PAM: variants seen among roughly 807,000 people sequenced by gnomAD.
PAM encodes peptidyl-glycine alpha-amidating monooxygenase.
A neutral mutation model predicts 122.1 loss-of-function variants in PAM; 72 were observed. The ratio of observed to expected loss-of-function variants is 0.59; its 90% CI spans 0.49 to 0.72. The LOEUF is 0.72. Among genes scored for constraint, PAM ranks in the 30% least tolerant of loss-of-function variants. The pLI, the probability that PAM is intolerant of heterozygous loss-of-function variation, is 0.00. For synonymous variants in PAM, 389 were observed against 404.4 expected, an observed-to-expected ratio of 0.96 and a Z score of 0.46; for missense variants, 1,106 against 1,183.7, an observed-to-expected ratio of 0.93 and a Z score of 0.96.
chr5:102,881,086 A>G (rs948414970), intron 3 of PAM, among the ~76,000 whole-genome samples: 2 of 151,500 alleles, frequency 1.3e-5, no homozygotes, highest in African/African-American at 4.9e-5. Flanking sequence ...ACAGACCACT[A>G]ACTGTAGAAG....
At chr5:102,771,961 T>A (rs1755909491) in intron 1 of PAM, among the ~76,000 whole-genome samples, 1 of 152,112 alleles carries the variant, frequency 6.6e-6, no homozygotes. Flanking sequence ...TTTGTTGAGG[T>A]CATTTTGTAG....
chr5:102,937,503 CG>C (rs1305800430), intron 7 of PAM, among the ~76,000 whole-genome samples: 7 of 152,066 alleles, frequency 4.6e-5, no homozygotes, highest in African/African-American at 1.7e-4. Flanking sequence ...GAAAGCATGA[CG>C]TTTTTTTCCT....
chr5:102,840,498 A>G (rs983458192), intron 1 of PAM, among the ~76,000 whole-genome samples: 2 of 152,216 alleles, frequency 1.3e-5, no homozygotes, highest in Non-Finnish European at 2.9e-5. Context: ...TTTTACTGGT[A>G]TATAGATTAT....
At chr5:102,990,684 T>C (rs1230216764) in intron 16 of PAM, among the ~76,000 whole-genome samples, 1 of 152,186 alleles carries the variant, frequency 6.6e-6, no homozygotes, top group African/African-American at 2.4e-5. Context: ...CTGTTATCTA[T>C]CTATAACATT....
rs1561748160 is a variant in PAM, at chr5:102,882,110, T to TATACACAC, written c.210+14718_210+14719insTACACACA. On this transcript the variant is annotated intron_variant, in intron 3 of 25. Coordinates refer to ENST00000438793, the MANE Select transcript of PAM (RefSeq NM_001177306.2). ...ATATATATATATATATATATATATATACACCACATTTTCTTTATCCACTCA... is the reference window on the plus strand; with the variant it reads ...ATATATATATATATATATATATATATATACACACACACCACATTTTCTTTATCCACTCA... Among the ~76,000 whole-genome samples, 19 of 103,792 alleles carry TATACACAC rather than the reference T, an allele frequency of 1.8e-4. 1 individual carries two copies. Among genetic ancestry groups the TATACACAC allele is most frequent in the African/African-American group, 7.1e-4 (18 of 25,450 alleles). 68.1% of individuals were successfully genotyped at this position (103,792 alleles called of 152,430 possible). A position where few individuals can be genotyped will look rare whatever the true frequency, so the allele number is the denominator to read the frequency against.
chr5:102,988,527 A>G (rs1237703465), intron 15 of PAM, among the ~76,000 whole-genome samples: 1 of 152,072 alleles, frequency 6.6e-6, no homozygotes, highest in Non-Finnish European at 1.5e-5. Context: ...AGATTCTACC[A>G]TAGTACCTTA....
At position 102,867,298 on chromosome 5, in the gene PAM, T is replaced by G. The variant is rs1785917046; in HGVS notation, c.115T>G (p.Ser39Ala). The stretch of plus-strand genomic sequence containing the variant: ...GTTTAAAGAAACTACCAGACCATTT[T>G]CCAATGAATGTCTTGGTACCACCAG... The part of the protein sequence containing the change: ...KRFKETTRPF[S>A]NECLGTTRPV... The change falls in exon 3 of 26, where the codon TCC (serine) becomes GCC (alanine). Residue 39 changes from serine (S) to alanine (A), a missense_variant. Coordinates refer to ENST00000438793, the MANE Select transcript of PAM (RefSeq NM_001177306.2). 6.2e-7 allele frequency: 1 copy of G among 1,603,852 alleles called. No individual in the cohort carries two copies. Among genetic ancestry groups the G allele is most frequent in the South Asian group, 1.1e-5 (1 of 90,834 alleles).
intron 4 of PAM, among the ~76,000 whole-genome samples, chr5:102,902,765 T>G (rs1295432462): frequency 6.6e-6 from 1 of 151,502 alleles, no homozygotes; most frequent in Non-Finnish European, 1.5e-5. Flanking sequence ...GTTCAGGGGT[T>G]GTTTTGAGTC....
At chr5:102,793,197 G>C (rs971558590) in intron 1 of PAM, among the ~76,000 whole-genome samples, 2 of 152,122 alleles carry the variant, frequency 1.3e-5, no homozygotes, top group Non-Finnish European at 2.9e-5. Flanking sequence ...TAAGTCCAAA[G>C]TGCCTAGGCT....
At chr5:102,926,781 T>C in intron 7 of PAM, 113 bp downstream of exon 7, 1 of 613,498 alleles carries the variant, frequency 1.6e-6, no homozygotes, top group Non-Finnish European at 2.9e-6. Context: ...CTCTGCCCAC[T>C]AGGGGATAAC....
intron 22 of PAM, among the ~76,000 whole-genome samples, chr5:103,018,234 A>C (rs1182942317): frequency 1.3e-5 from 2 of 152,194 alleles, no homozygotes; most frequent in Non-Finnish European, 2.9e-5. Context: ...CAGGAGCTTC[A>C]ACAGGTAGTT....
intron 1 of PAM, among the ~76,000 whole-genome samples, chr5:102,859,407 A>G (rs1311518329): frequency 6.6e-6 from 1 of 151,330 alleles, no homozygotes; most frequent in Non-Finnish European, 1.5e-5. Context: ...AAAGTTTAAT[A>G]AGGTTTTTTT....
intron 5 of PAM, among the ~76,000 whole-genome samples, chr5:102,923,702 A>G (rs1243056132): frequency 6.6e-6 from 1 of 152,226 alleles, no homozygotes; most frequent in African/African-American, 2.4e-5. Context: ...TGAGTGCCTT[A>G]TGCACATCAC....
intron 12 of PAM, among the ~76,000 whole-genome samples, chr5:102,959,193 C>T (rs1425927495): frequency 6.6e-6 from 1 of 152,148 alleles, no homozygotes; most frequent in Non-Finnish European, 1.5e-5. Flanking sequence ...ACTTCCGTCA[C>T]ATCTCAACCC....
intron 1 of PAM, among the ~76,000 whole-genome samples, chr5:102,758,073 GTTTTTTTTTTTTTTTTTT>G (rs1168917285): frequency 0.13 from 3,253 of 24,890 alleles, 118 homozygotes; most frequent in East Asian, 0.38. Context: ...TTAGAATTTT[GTTTTTTTTTTTTTTTTTT>G]TTTTTTTTTT....
At chr5:103,015,656 C>CA (rs1446264019) in intron 21 of PAM, among the ~76,000 whole-genome samples, 3 of 152,116 alleles carry the variant, frequency 2.0e-5, no homozygotes, top group Non-Finnish European at 4.4e-5. Flanking sequence ...AGCAAGAAGA[C>CA]AGAGTCCCAT....
chr5:102,782,721 C>G (rs111666674), intron 1 of PAM, among the ~76,000 whole-genome samples: 2,675 of 144,722 alleles, frequency 0.018, 83 homozygotes, highest in African/African-American at 0.067. Flanking sequence ...CTCTCTCTCT[C>G]TCTCTGTGTG....
chr5:102,987,097 C>T (rs1329792863), intron 15 of PAM, among the ~76,000 whole-genome samples: 1 of 152,070 alleles, frequency 6.6e-6, no homozygotes, highest in African/African-American at 2.4e-5. Flanking sequence ...AACTGTACCC[C>T]CATGTTTACT....
intron 3 of PAM, among the ~76,000 whole-genome samples, chr5:102,897,864 A>G (rs1405155337): frequency 6.6e-6 from 1 of 151,702 alleles, no homozygotes; most frequent in African/African-American, 2.4e-5. Context: ...TTATGTGAAC[A>G]GTTTTCATAT....
Sources: gnomAD v4.1 joint callset for allele counts (sites outside exome capture counted in the v4.1 genomes callset) on GRCh38, gnomAD v4.1.1 for gene constraint, MANE v1.5 for transcripts, NCBI Gene and HGNC (gene_info 2026-07-23, HGNC 2026-07-21) for gene names.